TIRAP: variants seen among roughly 807,000 people sequenced by gnomAD.
TIRAP encodes TIR domain containing adaptor protein.
Under a neutral mutation model 19.8 loss-of-function variants are expected in TIRAP, and 20 were observed. The ratio of observed to expected loss-of-function variants is 1.01; its 90% CI spans 0.71 to 1.47. TIRAP has a LOEUF of 1.47. Ranked by LOEUF, TIRAP falls within the 40% of genes most tolerant of loss-of-function variation. The pLI, the probability that TIRAP is intolerant of heterozygous loss-of-function variation, is 0.00. For synonymous variants in TIRAP, 125 were observed against 121.7 expected, an observed-to-expected ratio of 1.03 and a Z score of -0.18; for missense variants, 276 against 285.1, an observed-to-expected ratio of 0.97 and a Z score of 0.23.
chr11:126,292,612 G>C lies in TIRAP; in HGVS notation c.203G>C (p.Ser68Thr). The change falls in exon 4 of 5, where the codon AGC (serine) becomes ACC (threonine). Residue 68 changes from serine to threonine, a missense_variant. Physicochemically the swap from Ser to Thr is moderately conservative, Grantham distance 58. Coordinates refer to ENST00000392679, the MANE Select transcript of TIRAP (RefSeq NM_001318777.2). Reference protein sequence around the residue: ...PPSLSSVTSPSLPPTHASDSG... With the variant: ...PPSLSSVTSPTLPPTHASDSG... ...AGCCTCAGCTCAGTCACGTCTCCCA[G>C]CCTGCCACCCACACATGCGAGTGAC... 1 of 1,614,186 alleles carries C rather than the reference G, an allele frequency of 6.2e-7. No individual in the cohort carries two copies. Among genetic ancestry groups the C allele is most frequent in the Non-Finnish European group, 8.5e-7 (1 of 1,180,042 alleles).
chr11:126,284,714 C>T (rs867731620), intron 1 of TIRAP, among the ~76,000 whole-genome samples: 2 of 151,810 alleles, frequency 1.3e-5, no homozygotes, highest in African/African-American at 4.8e-5. Context: ...ATCAGCCAGG[C>T]GTGATGGCGG....
chr11:126,285,154 T>G (rs1250670256), intron 1 of TIRAP, among the ~76,000 whole-genome samples: 1 of 151,656 alleles, frequency 6.6e-6, no homozygotes, highest in African/African-American at 2.4e-5. Flanking sequence ...GCTCAATTCT[T>G]CTGCTCATTT....
rs758129283 is a variant in TIRAP at position 126,293,833 on chromosome 11, A to G, written c.*146A>G. On this transcript the variant is annotated 3_prime_UTR_variant, in exon 5 of 5. Coordinates refer to ENST00000392679, the MANE Select transcript of TIRAP (RefSeq NM_001318777.2). ...TCGTGACCCTGGGATCAGAGCACCCATCAGGCTTCCATTACTGTGGGCTCC... is the reference window on the plus strand; with the variant it reads ...TCGTGACCCTGGGATCAGAGCACCCGTCAGGCTTCCATTACTGTGGGCTCC... 27 of 882,166 alleles carry G rather than the reference A, an allele frequency of 3.1e-5. No homozygotes were observed. Among genetic ancestry groups the G allele is most frequent in the East Asian group, 2.6e-4 (10 of 38,568 alleles). 54.6% of individuals were successfully genotyped at this position (882,166 alleles called of 1,614,324 possible).
At position 126,291,413 on chromosome 11, in the gene TIRAP, T is replaced by G; in HGVS notation, c.67+452T>G. The G allele has an allele frequency of 7.6e-7, 1 of 1,323,748 alleles. No homozygotes were observed. Among genetic ancestry groups the G allele is most frequent in the Middle Eastern group, 2.1e-4 (1 of 4,722 alleles). The allele number at this position is 1,323,748 out of a possible 1,614,324, so 82.0% of individuals were successfully genotyped here. On this transcript the variant is annotated intron_variant, in intron 3 of 4. Coordinates refer to ENST00000392679, the MANE Select transcript of TIRAP (RefSeq NM_001318777.2). This position sits in a 1 kb window ranked among gnomAD's most constrained non-coding sequence, Gnocchi z 5.6. Reference sequence around the variant, plus strand: ...TCCAAACACAGACCTGAGCAGTGTTTCTCCCCCACAGACTGGTTCAGGCAG... The same window carrying G: ...TCCAAACACAGACCTGAGCAGTGTTGCTCCCCCACAGACTGGTTCAGGCAG...
Position 126,291,891 on chromosome 11 carries a change from G to A in TIRAP, c.68-586G>A, listed in dbSNP as rs1363240671. On this transcript the variant is annotated intron_variant, in intron 3 of 4. Transcript: ENST00000392679. This position sits in a 1 kb window ranked among gnomAD's most constrained non-coding sequence, Gnocchi z 5.6. Reference sequence around the variant, plus strand: ...CAGATATCAAAGGGCCTGGAGTAGTGCAAGGCCATTTCTCTTAACCAGGCT... The same window carrying A: ...CAGATATCAAAGGGCCTGGAGTAGTACAAGGCCATTTCTCTTAACCAGGCT... Among the ~76,000 whole-genome samples, 16 of 151,970 alleles carry A rather than the reference G, an allele frequency of 1.1e-4. No homozygotes were observed. Among genetic ancestry groups the A allele is most frequent in the Admixed American group, 1.0e-3 (16 of 15,270 alleles).
chr11:126,285,243 G>GTGTGTATATATATATATATATATATATA, intron 1 of TIRAP, among the ~76,000 whole-genome samples: 3 of 106,972 alleles, frequency 2.8e-5, no homozygotes, highest in African/African-American at 7.1e-5. Context: ...GTGTGTGTGT[G>GTGTGTATATATATATATATATATATATA]TATATATATA....
chr11:126,291,415 T>A lies in TIRAP; in HGVS notation c.67+454T>A. ...CAAACACAGACCTGAGCAGTGTTTC[T>A]CCCCCACAGACTGGTTCAGGCAGAC... On this transcript the variant is annotated intron_variant, in intron 3 of 4. Transcript: ENST00000392679. The surrounding 1 kb of genome is among the most constrained non-coding windows in gnomAD (Gnocchi z 5.6). The A allele has an allele frequency of 7.6e-7, 1 of 1,324,380 alleles. No individual in the cohort carries two copies. Among genetic ancestry groups the A allele is most frequent in the Non-Finnish European group, 1.0e-6 (1 of 1,002,038 alleles). The allele number at this position is 1,324,380 out of a possible 1,614,324, so 82.0% of individuals were successfully genotyped here.
At chr11:126,293,464 G>A (rs1245341243) in intron 4 of TIRAP, 8 of 726,830 alleles carry the variant, frequency 1.1e-5, no homozygotes, top group Non-Finnish European at 1.7e-5. Flanking sequence ...AGCTGGGAAG[G>A]TGCCAGGAGG....
chr11:126,292,548 G>A lies in TIRAP; in HGVS notation c.139G>A (p.Ala47Thr), dbSNP rs754139124. ...PNSPESTSSDASQPTSQDSPL... is the reference protein window; with the variant it reads ...PNSPESTSSDTSQPTSQDSPL... ...CTCCCCAGAAAGCACCTCCAGCGAT[G>A]CTTCACAGCCTACCTCACAGGACAG... The change falls in exon 4 of 5, where the codon GCT becomes ACT. Residue 47 changes from alanine (A) to threonine (T), a missense_variant. By Grantham distance (58) the Ala-to-Thr change is moderately conservative (BLOSUM62 0). Coordinates refer to ENST00000392679, the MANE Select transcript of TIRAP (RefSeq NM_001318777.2). The A allele has an allele frequency of 5.0e-6, 8 of 1,613,986 alleles. No homozygotes were observed. In the African/African-American group the frequency reaches 1.1e-4, roughly 22 times the overall value.
rs1179710319 is a variant in TIRAP at position 126,287,698 on chromosome 11, A to G, written c.-216-2764A>G. Among the ~76,000 whole-genome samples, 2 of 152,166 alleles carry G rather than the reference A, an allele frequency of 1.3e-5. No individual in the cohort carries two copies. Among genetic ancestry groups the G allele is most frequent in the East Asian group, 1.9e-4 (1 of 5,186 alleles). On this transcript the variant is annotated intron_variant, in intron 1 of 4. Coordinates refer to ENST00000392679, the MANE Select transcript of TIRAP (RefSeq NM_001318777.2). This position sits in a 1 kb window ranked among gnomAD's most constrained non-coding sequence, Gnocchi z 4.2. ...GCACATAATATTGGAAAAGCATTCT[A>G]GAAAGCACTAAAGGTATTGTGCTAC...
In TIRAP at chr11:126,292,646, TA is replaced by T. The variant is rs1565365248; in HGVS notation, c.238del (p.Ser80ValfsTer50). The part of the protein sequence containing the change: ...PPTHASDSGS[S>X]RWSKDYDVCV... ...CCACACATGCGAGTGACAGTGGCAG[TA>T]GTCGCTGGAGCAAAGACTATGACGT... On this transcript the variant is annotated frameshift_variant, in exon 4 of 5. Coordinates refer to ENST00000392679, the MANE Select transcript of TIRAP (RefSeq NM_001318777.2). LOFTEE classifies it high-confidence loss of function. 1 of 1,614,132 alleles carries T rather than the reference TA, an allele frequency of 6.2e-7. No individual in the cohort carries two copies. Among genetic ancestry groups the T allele is most frequent in the Non-Finnish European group, 8.5e-7 (1 of 1,180,016 alleles).
intron 1 of TIRAP, among the ~76,000 whole-genome samples, chr11:126,283,887 T>G (rs1430037549): frequency 6.6e-6 from 1 of 152,232 alleles, no homozygotes; most frequent in Admixed American, 6.5e-5. Flanking sequence ...AAATCCTAAG[T>G]GTACAGCTCA....
Position 126,294,501 on chromosome 11 carries a change from G to A in TIRAP, c.*814G>A, listed in dbSNP as rs1177784763. ...CCCATGGATGCTGTGACATCTGGGAGCTTCATCAGTGGTCTGGCTAAAGCT... is the reference window on the plus strand; with the variant it reads ...CCCATGGATGCTGTGACATCTGGGAACTTCATCAGTGGTCTGGCTAAAGCT... On this transcript the variant is annotated 3_prime_UTR_variant, in exon 5 of 5. Coordinates refer to ENST00000392679, the MANE Select transcript of TIRAP (RefSeq NM_001318777.2). The A allele has an allele frequency of 2.2e-6, 1 of 456,280 alleles. No homozygotes were observed. Among genetic ancestry groups the A allele is most frequent in the East Asian group, 6.9e-5 (1 of 14,398 alleles). 28.3% of individuals were successfully genotyped at this position (456,280 alleles called of 1,614,324 possible).
Position 126,291,357 on chromosome 11 carries a change from G to C in TIRAP, c.67+396G>C. ...TCTGTCCTTATCAAAGGCTGGGGAAGCTGTTTTCATCTCCTTATGGAGTCC... is the reference window on the plus strand; with the variant it reads ...TCTGTCCTTATCAAAGGCTGGGGAACCTGTTTTCATCTCCTTATGGAGTCC... On this transcript the variant is annotated intron_variant, in intron 3 of 4. Coordinates refer to ENST00000392679, the MANE Select transcript of TIRAP (RefSeq NM_001318777.2). This position sits in a 1 kb window ranked among gnomAD's most constrained non-coding sequence, Gnocchi z 5.6. 1.0e-6 allele frequency: 1 copy of C among 968,110 alleles called. No homozygotes were observed. The highest frequency in any genetic ancestry group is 1.3e-5 in the South Asian group (1 of 74,786). The allele number at this position is 968,110 out of a possible 1,614,324, so 60.0% of individuals were successfully genotyped here.
At chr11:126,284,507 G>A (rs1219453085) in intron 1 of TIRAP, among the ~76,000 whole-genome samples, 1 of 152,136 alleles carries the variant, frequency 6.6e-6, no homozygotes, top group Non-Finnish European at 1.5e-5. Context: ...TTTCCACTGT[G>A]GGGTTATTTT....
At position 126,288,481 on chromosome 11, in the gene TIRAP, G is replaced by A. The variant is rs1156788638; in HGVS notation, c.-216-1981G>A. ...GCTACAAAAGAACTGAAAAGGAACA[G>A]GGAAGGTGCATGGCGTCTTGGATTC... is the stretch of plus-strand genomic sequence containing the variant. On this transcript the variant is annotated intron_variant, in intron 1 of 4. Coordinates refer to ENST00000392679, the MANE Select transcript of TIRAP (RefSeq NM_001318777.2). The surrounding 1 kb of genome is among the most constrained non-coding windows in gnomAD (Gnocchi z 5.0). 6.6e-6 allele frequency: 1 copy of A among 152,258 alleles called. No individual in the cohort carries two copies. Among genetic ancestry groups the A allele is most frequent in the Admixed American group, 6.5e-5 (1 of 15,290 alleles). The allele number at this position is 152,258 out of a possible 1,614,324, so 9.4% of individuals were successfully genotyped here.
chr11:126,292,618 C>A lies in TIRAP; in HGVS notation c.209C>A (p.Pro70Gln), dbSNP rs1477626241. Residue 70 changes from proline to glutamine, a missense_variant, in exon 4 of 5, where the codon CCA (proline) becomes CAA (glutamine). Transcript: ENST00000392679. ...SLSSVTSPSLPPTHASDSGSS... is the reference protein window; with the variant it reads ...SLSSVTSPSLQPTHASDSGSS... ...AGCTCAGTCACGTCTCCCAGCCTGC[C>A]ACCCACACATGCGAGTGACAGTGGC... is the stretch of plus-strand genomic sequence containing the variant. 4 of 1,614,076 alleles carry A rather than the reference C, an allele frequency of 2.5e-6. No homozygotes were observed. In the African/African-American group the frequency reaches 5.3e-5, roughly 22 times the overall value.
In TIRAP at chr11:126,290,987, T is replaced by C. The variant is rs1951377329; in HGVS notation, c.67+26T>C. The C allele has an allele frequency of 1.3e-6, 2 of 1,591,744 alleles. No homozygotes were observed. Among genetic ancestry groups the C allele is most frequent in the African/African-American group, 2.7e-5 (2 of 74,554 alleles). Reference sequence around the variant, plus strand: ...GTGAGTGGAACCGGACTCGCGACTCTGCTGTGTTCCTGAGTGTAGTGCTCA... The same window carrying C: ...GTGAGTGGAACCGGACTCGCGACTCCGCTGTGTTCCTGAGTGTAGTGCTCA... On this transcript the variant is annotated intron_variant, in intron 3 of 4. Coordinates refer to ENST00000392679, the MANE Select transcript of TIRAP (RefSeq NM_001318777.2). The surrounding 1 kb of genome is among the most constrained non-coding windows in gnomAD (Gnocchi z 4.9).
rs1036978594 is a variant in TIRAP, at chr11:126,293,868, C to A, written c.*181C>A. ...CATTACTGTGGGCTCCCTAAGAAGA[C>A]CATGGAGAGCTTGGGGACTCCCCCA... On this transcript the variant is annotated 3_prime_UTR_variant, in exon 5 of 5. Coordinates refer to ENST00000392679, the MANE Select transcript of TIRAP (RefSeq NM_001318777.2). 63 of 688,722 alleles carry A rather than the reference C, an allele frequency of 9.1e-5. 1 individual carries two copies. In the East Asian group the frequency reaches 1.1e-3, roughly 12 times the overall value. 42.7% of individuals were successfully genotyped at this position (688,722 alleles called of 1,614,324 possible). A position where few individuals can be genotyped will look rare whatever the true frequency, so the allele number is the denominator to read the frequency against.
Sources: gnomAD v4.1 joint callset for allele counts (sites outside exome capture counted in the v4.1 genomes callset) on GRCh38, gnomAD v4.1.1 for gene constraint, Gnocchi (gnomAD v3.1) non-coding constraint, MANE v1.5 for transcripts, NCBI Gene and HGNC (gene_info 2026-07-23, HGNC 2026-07-21) for gene names.